The following CTNNA2 variants were observed in gnomAD, a reference collection of about 807,000 sequenced individuals.
CTNNA2 encodes the protein catenin alpha-2.
In CTNNA2, 42 loss-of-function variants were observed where a neutral mutation model predicts 101.0. The ratio of observed to expected loss-of-function variants is 0.42; its 90% CI spans 0.32 to 0.54. CTNNA2 has a LOEUF of 0.54. CTNNA2 is among the 20% of genes least tolerant of loss of function. The pLI, the probability that CTNNA2 is intolerant of heterozygous loss-of-function variation, is 0.14. For synonymous variants in CTNNA2, 450 were observed against 456.4 expected (o/e 0.99, Z 0.18); for missense variants, 871 against 1,223.1 (o/e 0.71, Z 4.29).
intron 7 of CTNNA2, among the ~76,000 whole-genome samples, chr2:80,365,431 AGT>A (rs1405131428): frequency 6.6e-6 from 1 of 152,184 alleles, no homozygotes. Flanking sequence ...ATCTGGCAAT[AGT>A]ATTTTGTAAA....
chr2:79,661,944 A>G (rs1011948000), intron 2 of CTNNA2, among the ~76,000 whole-genome samples: 6 of 151,994 alleles, frequency 3.9e-5, no homozygotes, highest in Non-Finnish European at 7.4e-5. Flanking sequence ...TGGACTGAAA[A>G]TACTGAAATG....
chr2:80,123,656 C>G (rs981588614), intron 7 of CTNNA2, among the ~76,000 whole-genome samples: 3 of 152,116 alleles, frequency 2.0e-5, no homozygotes, highest in Admixed American at 2.0e-4. Context: ...CCTTGCCCTG[C>G]TTTCCTTCCT....
At chr2:79,979,089 T>C (rs973636573) in intron 7 of CTNNA2, among the ~76,000 whole-genome samples, 2 of 152,050 alleles carry the variant, frequency 1.3e-5, no homozygotes, top group Admixed American at 1.3e-4. Flanking sequence ...ATGAAAGCAG[T>C]GTGATTTTCT....
At chr2:79,550,232 C>T (rs1674011395) in intron 1 of CTNNA2, among the ~76,000 whole-genome samples, 1 of 152,168 alleles carries the variant, frequency 6.6e-6, no homozygotes, top group Non-Finnish European at 1.5e-5. Context: ...CTTGGGAGTT[C>T]TGGAGACGAA....
intron 7 of CTNNA2, among the ~76,000 whole-genome samples, chr2:80,151,466 G>T (rs933625050): frequency 1.3e-5 from 2 of 152,146 alleles, no homozygotes; most frequent in Non-Finnish European, 2.9e-5. Flanking sequence ...GAAATATACA[G>T]TAAGAGCCAC....
chr2:79,644,703 C>T (rs1021501710), intron 1 of CTNNA2, among the ~76,000 whole-genome samples: 1 of 152,192 alleles, frequency 6.6e-6, no homozygotes, highest in African/African-American at 2.4e-5. Context: ...AGCCACATTG[C>T]ACATGAGCCC....
intron 9 of CTNNA2, among the ~76,000 whole-genome samples, chr2:80,520,276 A>G (rs1448784563): frequency 1.3e-5 from 2 of 151,874 alleles, no homozygotes; most frequent in Non-Finnish European, 2.9e-5. Context: ...ACATTTTTGG[A>G]GAAAGCTGTT....
At chr2:79,857,269 G>T (rs1681216493) in intron 3 of CTNNA2, among the ~76,000 whole-genome samples, 1 of 152,108 alleles carries the variant, frequency 6.6e-6, no homozygotes, top group Admixed American at 6.6e-5. Flanking sequence ...CCTCTGTGTT[G>T]CCTACTTTCT....
intron 11 of CTNNA2, among the ~76,000 whole-genome samples, chr2:80,548,974 T>C (rs2149640933): frequency 6.6e-6 from 1 of 152,372 alleles, no homozygotes; most frequent in East Asian, 1.9e-4. Flanking sequence ...TCTTTGTTTT[T>C]AAAAGATTGT....
At chr2:79,956,328 A>C (rs1347992614) in intron 7 of CTNNA2, among the ~76,000 whole-genome samples, 1 of 152,152 alleles carries the variant, frequency 6.6e-6, no homozygotes, top group African/African-American at 2.4e-5. Context: ...TTTTAACAGA[A>C]TACTTATGAA....
At chr2:79,284,693 T>G (rs1303763475) in intron 2 of CTNNA2, among the ~76,000 whole-genome samples, 2 of 150,816 alleles carry the variant, frequency 1.3e-5, no homozygotes, top group Non-Finnish European at 3.0e-5. Flanking sequence ...TGCATCAATG[T>G]TCATCAAGGA....
At chr2:80,240,217 A>G (rs1670813308) in intron 7 of CTNNA2, among the ~76,000 whole-genome samples, 1 of 152,218 alleles carries the variant, frequency 6.6e-6, no homozygotes, top group Non-Finnish European at 1.5e-5. Context: ...GTCCCTGTCC[A>G]ATCTAAGTGG....
intron 9 of CTNNA2, 130 bp from the exon 10 acceptor site, chr2:80,544,852 G>A (rs2149629047): frequency 1.4e-6 from 1 of 722,316 alleles, no homozygotes. Context: ...ATGAAGGCCA[G>A]GGTACCCTTA....
chr2:80,536,172 C>T (rs187674212), intron 9 of CTNNA2, among the ~76,000 whole-genome samples: 126 of 152,246 alleles, frequency 8.3e-4, no homozygotes, highest in East Asian at 3.9e-3. Flanking sequence ...TTAACATCTT[C>T]GTGTGTACTA....
intron 4 of CTNNA2, among the ~76,000 whole-genome samples, chr2:79,458,133 A>G (rs576007193): frequency 6.6e-6 from 1 of 152,342 alleles, no homozygotes; most frequent in South Asian, 2.1e-4. Context: ...GTTTAGAACC[A>G]AAGCCCCAAT....
intron 12 of CTNNA2, chr2:80,572,955 A>G (rs1029370660): frequency 6.6e-6 from 1 of 152,184 alleles, no homozygotes; most frequent in East Asian, 1.9e-4. Flanking sequence ...GTAGAAATAC[A>G]TTTTTCCAGG....
At chr2:79,567,728 G>A (rs889967073) in intron 1 of CTNNA2, among the ~76,000 whole-genome samples, 1 of 152,028 alleles carries the variant, frequency 6.6e-6, no homozygotes, top group Non-Finnish European at 1.5e-5. Flanking sequence ...CTTGTGTTGA[G>A]ACCACAGAAG....
At chr2:80,562,685 C>G (rs1479023703) in intron 12 of CTNNA2, among the ~76,000 whole-genome samples, 1 of 152,116 alleles carries the variant, frequency 6.6e-6, no homozygotes, top group Non-Finnish European at 1.5e-5. Context: ...ACACAAATAT[C>G]TAGCTTTAGG....
At position 79,434,975 on chromosome 2, in the gene CTNNA2, C is replaced by G. The variant is rs78277916; in HGVS notation, c.-135+60962C>G. Among the ~76,000 whole-genome samples, 318 of 152,192 alleles carry G rather than the reference C, an allele frequency of 2.1e-3. 1 individual carries two copies. Among genetic ancestry groups the G allele is most frequent in the African/African-American group, 6.9e-3 (287 of 41,532 alleles). On this transcript the variant is annotated intron_variant, in intron 4 of 21. Coordinates refer to the CTNNA2 transcript ENST00000466387. ...TTTCTTGAGGCTTAGGTCAGAAAACCATAACCATTCTTTCATCCCTACTGC... is the reference window on the plus strand; with the variant it reads ...TTTCTTGAGGCTTAGGTCAGAAAACGATAACCATTCTTTCATCCCTACTGC...
Sources: gnomAD v4.1 joint callset for allele counts (sites outside exome capture counted in the v4.1 genomes callset) on GRCh38, gnomAD v4.1.1 for gene constraint, MANE v1.5 for transcripts, NCBI Gene and HGNC (gene_info 2026-07-23, HGNC 2026-07-21) for gene names.